Variants in PLCB3 observed in about 807,000 individuals in gnomAD.
The protein encoded by PLCB3 is 1-phosphatidylinositol 4,5-bisphosphate phosphodiesterase beta-3.
Under a neutral mutation model 152.1 loss-of-function variants are expected in PLCB3, and 54 were observed. The observed-to-expected ratio is 0.36, with a 90% CI of 0.29 to 0.45. The LOEUF (loss-of-function observed/expected upper bound fraction) is 0.45. Among genes scored for constraint, PLCB3 ranks in the 20% least tolerant of loss-of-function variants. The pLI, the probability that PLCB3 is intolerant of heterozygous loss-of-function variation, is 1.00. For synonymous variants in PLCB3, 717 were observed against 698.7 expected, an observed-to-expected ratio of 1.03 and a Z score of -0.41; for missense variants, 1,248 against 1,687.5, an observed-to-expected ratio of 0.74 and a Z score of 4.56.
intron 16 of PLCB3, 31 bp from the exon 17 acceptor site, chr11:64,261,921 C>T (rs2031873983): frequency 1.2e-6 from 2 of 1,612,998 alleles, no homozygotes; most frequent in South Asian, 2.2e-5. Flanking sequence ...TGGGCCCTGG[C>T]ACCTGTGTGG....
In PLCB3 at chr11:64,267,588, G is replaced by A; in HGVS notation, c.*32G>A. The A allele has an allele frequency of 6.6e-7, 1 of 1,513,178 alleles. No homozygotes were observed. The highest frequency in any genetic ancestry group is 1.9e-4 in the Middle Eastern group (1 of 5,364). 93.7% of individuals were successfully genotyped at this position (1,513,178 alleles called of 1,614,324 possible). The stretch of plus-strand genomic sequence containing the variant: ...TGAGCGAGGTGGCCACAGGGCCAGG[G>A]CGGGCGCTGGGTGGAGGGCAGGAGG... On this transcript the variant is annotated 3_prime_UTR_variant, in exon 31 of 31. Coordinates refer to ENST00000279230, the MANE Select transcript of PLCB3 (RefSeq NM_000932.5). The surrounding 1 kb of genome is among the most constrained non-coding windows in gnomAD (Gnocchi z 5.2).
chr11:64,261,850 G>C, intron 16 of PLCB3, 102 bp from the exon 17 acceptor site: 1 of 1,544,530 alleles, frequency 6.5e-7, no homozygotes, highest in Non-Finnish European at 8.9e-7. Flanking sequence ...CTAAGAAACA[G>C]AGGCCGGGTG....
At position 64,258,992 on chromosome 11, in the gene PLCB3, G is replaced by A. The variant is rs777028577; in HGVS notation, c.1338+23G>A. ...CCGGTACGGGAGCTCGGAGCGAGGG[G>A]GGTGGCATGGGGGCCAGGGTGCTGC... On this transcript the variant is annotated intron_variant, in intron 12 of 30. Transcript: ENST00000279230. The surrounding 1 kb of genome is among the most constrained non-coding windows in gnomAD (Gnocchi z 7.2). The A allele has an allele frequency of 2.5e-6, 4 of 1,613,310 alleles. No individual in the cohort carries two copies. Among genetic ancestry groups the A allele is most frequent in the South Asian group, 1.1e-5 (1 of 91,080 alleles).
intron 17 of PLCB3, 108 bp from the exon 18 acceptor site, chr11:64,262,299 C>A: frequency 7.0e-7 from 1 of 1,424,894 alleles, no homozygotes; most frequent in Non-Finnish European, 9.7e-7. Flanking sequence ...TTGAGCCCGC[C>A]CCTGACCCTG....
At position 64,266,636 on chromosome 11, in the gene PLCB3, C is replaced by A; in HGVS notation, c.3414+84C>A. ...CATCTCCATGCCTGGCCTGGTGCCA[C>A]GTTGCCCTCAAGGTTCTTCTAGGGC... On this transcript the variant is annotated intron_variant, in intron 29 of 30. Transcript: ENST00000279230. This position sits in a 1 kb window ranked among gnomAD's most constrained non-coding sequence, Gnocchi z 4.9. 1 of 1,359,370 alleles carries A rather than the reference C, an allele frequency of 7.4e-7. No homozygotes were observed. Among genetic ancestry groups the A allele is most frequent in the Non-Finnish European group, 1.1e-6 (1 of 951,452 alleles). 84.2% of individuals were successfully genotyped at this position (1,359,370 alleles called of 1,614,324 possible).
chr11:64,264,729 G>A (rs1305484004), intron 22 of PLCB3, among the ~76,000 whole-genome samples: 1 of 152,132 alleles, frequency 6.6e-6, no homozygotes, highest in Non-Finnish European at 1.5e-5. Context: ...CAGTGGGCTG[G>A]CATTATGTTA....
rs1003501525 is a variant in PLCB3 at position 64,255,499 on chromosome 11, C to T, written c.522-42C>T. 6.2e-7 allele frequency: 1 copy of T among 1,613,804 alleles called. No individual in the cohort carries two copies. The highest frequency in any genetic ancestry group is 8.5e-7 in the Non-Finnish European group (1 of 1,179,804). ...TTCCTCCTGCCCTGACCTTGGTGAC[C>T]TTTGTCCTCCACTGACCCTGAACCC... On this transcript the variant is annotated intron_variant, in intron 6 of 30. Coordinates refer to ENST00000279230, the MANE Select transcript of PLCB3 (RefSeq NM_000932.5). This position sits in a 1 kb window ranked among gnomAD's most constrained non-coding sequence, Gnocchi z 6.8.
At position 64,266,514 on chromosome 11, in the gene PLCB3, C is replaced by A; in HGVS notation, c.3376C>A (p.Arg1126Ser). Reference sequence around the variant, plus strand: ...GTGCAGGGAACTGACGGAGATTAACCGTCGGCACATCACTGAGTCAGTCAA... The same window carrying A: ...GTGCAGGGAACTGACGGAGATTAACAGTCGGCACATCACTGAGTCAGTCAA... The part of the protein sequence containing the change: ...KKEAELTEIN[R>S]RHITESVNSI... The change falls in exon 29 of 31, where the codon CGT becomes AGT. Residue 1126 changes from arginine (R) to serine (S), a missense_variant. Transcript: ENST00000279230. This position sits in a 1 kb window ranked among gnomAD's most constrained non-coding sequence, Gnocchi z 4.9. 1.2e-6 allele frequency: 2 copies of A among 1,613,826 alleles called. No homozygotes were observed. Among genetic ancestry groups the A allele is most frequent in the South Asian group, 1.1e-5 (1 of 91,056 alleles).
chr11:64,262,898 C>A, intron 19 of PLCB3, 90 bp downstream of exon 19: 3 of 1,344,282 alleles, frequency 2.2e-6, no homozygotes, highest in Non-Finnish European at 3.1e-6. Context: ...ACCAGGCACA[C>A]CGTTGGCGAC....
In PLCB3 at chr11:64,262,748, G is replaced by A. The variant is rs769292774; in HGVS notation, c.2295G>A (p.Arg765=). 5.6e-6 allele frequency: 9 copies of A among 1,613,854 alleles called. No homozygotes were observed. The highest frequency in any genetic ancestry group is 6.8e-6 in the Non-Finnish European group (8 of 1,180,012). The change falls in exon 19 of 31, where the codon CGG becomes CGA. Residue 765 remains arginine, a synonymous_variant. Coordinates refer to ENST00000279230, the MANE Select transcript of PLCB3 (RefSeq NM_000932.5). The part of the protein sequence containing the change: ...PVDTRRKYRT[R]TSQGNSFNPV... ...ATACGCGGCGCAAGTACCGCACCCG[G>A]ACCTCTCAGGGGAACTCGTTCAACC...
intron 10 of PLCB3, among the ~76,000 whole-genome samples, chr11:64,256,997 CTTTTTTTT>C (rs5792316): frequency 9.7e-5 from 6 of 61,590 alleles, no homozygotes; most frequent in South Asian, 1.7e-3. Flanking sequence ...CTTCAGGGTC[CTTTTTTTT>C]TTTTTTTTTT....
At position 64,256,362 on chromosome 11, in the gene PLCB3, C is replaced by T; in HGVS notation, c.699-14C>T. ...GCCAGGCTCCATCCTGACCCAGCTT[C>T]CTGTCCCCTCCAGAGGCGCCAAGGG... On this transcript the variant is annotated splice_polypyrimidine_tract_variant and intron_variant, in intron 8 of 30. Transcript: ENST00000279230. 6.2e-7 allele frequency: 1 copy of T among 1,611,962 alleles called. No homozygotes were observed. The highest frequency in any genetic ancestry group is 8.5e-7 in the Non-Finnish European group (1 of 1,179,428).
chr11:64,259,010 G>A, intron 12 of PLCB3, 41 bp downstream of exon 12: 1 of 1,613,010 alleles, frequency 6.2e-7, no homozygotes, highest in Non-Finnish European at 8.5e-7. Context: ...TGGGGGCCAG[G>A]GTGCTGCGGA....
Position 64,260,196 on chromosome 11 carries a change from G to C in PLCB3, c.1693G>C (p.Glu565Gln). Reference protein sequence around the residue: ...REDEEEDEEEEEQTDPKKPTT... With the variant: ...REDEEEDEEEQEQTDPKKPTT... ...GGATGAGGAGGAAGATGAGGAAGAGGAGGAACAGACAGACCCCAAAAAGCC... is the reference window on the plus strand; with the variant it reads ...GGATGAGGAGGAAGATGAGGAAGAGCAGGAACAGACAGACCCCAAAAAGCC... The change falls in exon 14 of 31, where the codon GAG becomes CAG. Residue 565 changes from glutamate (E) to glutamine (Q), a missense_variant. Physicochemically the swap from Glu to Gln is conservative, Grantham distance 29. Coordinates refer to ENST00000279230, the MANE Select transcript of PLCB3 (RefSeq NM_000932.5). 1 of 1,588,170 alleles carries C rather than the reference G, an allele frequency of 6.3e-7. No individual in the cohort carries two copies. The highest frequency in any genetic ancestry group is 8.6e-7 in the Non-Finnish European group (1 of 1,166,572).
At position 64,258,474 on chromosome 11, in the gene PLCB3, G is replaced by A. The variant is rs758787013; in HGVS notation, c.1014G>A (p.Ala338=). 1.9e-6 allele frequency: 3 copies of A among 1,612,002 alleles called. No homozygotes were observed. The highest frequency in any genetic ancestry group is 1.7e-5 in the Admixed American group (1 of 59,964). Residue 338 remains alanine (A), a splice_region_variant and synonymous_variant, in exon 11 of 31, where the codon GCG becomes GCA. Coordinates refer to ENST00000279230, the MANE Select transcript of PLCB3 (RefSeq NM_000932.5). This position sits in a 1 kb window ranked among gnomAD's most constrained non-coding sequence, Gnocchi z 7.2. ...GGTGACAGAGCCTCGCCGCCCCAGC[G>A]GGGCAGCTGGCTGGGACCTCGTCGG... ...INSSHNTYLT[A]GQLAGTSSVE...
chr11:64,254,693 C>G (rs902834429), intron 2 of PLCB3, 55 bp from the exon 3 acceptor site: 3 of 1,581,164 alleles, frequency 1.9e-6, no homozygotes, highest in Non-Finnish European at 2.6e-6. Flanking sequence ...CTTGGAAGCT[C>G]CTGGCTATTG....
At chr11:64,251,826 C>G in intron 1 of PLCB3, 78 bp downstream of exon 1, 1 of 856,818 alleles carries the variant, frequency 1.2e-6, no homozygotes, top group East Asian at 3.4e-5. Flanking sequence ...GGGACCCCCA[C>G]CCCAGCCTCG....
chr11:64,261,368 T>C (rs559878782), intron 14 of PLCB3, 32 bp from the exon 15 acceptor site: 8 of 1,522,316 alleles, frequency 5.3e-6, no homozygotes, highest in African/African-American at 1.4e-5. Flanking sequence ...GTGGCGGGAA[T>C]GGCACTGCTG....
chr11:64,253,938 A>C (rs1419747363), intron 1 of PLCB3, among the ~76,000 whole-genome samples: 2 of 152,268 alleles, frequency 1.3e-5, no homozygotes, highest in Admixed American at 1.3e-4. Context: ...GGGATGCAGA[A>C]GGGCAGTGGG....
Sources: allele counts gnomAD v4.1 joint callset (sites outside exome capture counted in the v4.1 genomes callset), GRCh38; gene constraint gnomAD v4.1.1; non-coding constraint Gnocchi (gnomAD v3.1); transcripts MANE v1.5; gene names NCBI Gene and HGNC (gene_info 2026-07-23, HGNC 2026-07-21).